Variants in CYTH3 observed in about 807,000 individuals in gnomAD.
CYTH3 encodes cytohesin-3.
CYTH3 carries 23 observed loss-of-function variants against 55.1 expected under a neutral mutation model. The observed-to-expected ratio is 0.42, with a 90% CI of 0.30 to 0.59. The LOEUF (loss-of-function observed/expected upper bound fraction) is 0.59, where lower values mean the gene tolerates loss of function less well. Among genes scored for constraint, CYTH3 ranks in the 20% least tolerant of loss-of-function variants. The pLI, the probability that CYTH3 is intolerant of heterozygous loss-of-function variation, is 0.20. For synonymous variants in CYTH3, 249 were observed against 194.9 expected (o/e 1.28, Z -2.31); for missense variants, 413 against 524.8 (o/e 0.79, Z 2.08).
chr7:6,211,176 C>T (rs1046430827), intron 1 of CYTH3, among the ~76,000 whole-genome samples: 5 of 152,194 alleles, frequency 3.3e-5, no homozygotes, highest in Non-Finnish European at 1.5e-5. Context: ...AACCACTCTC[C>T]TGAGCACCTG....
intron 5 of CYTH3, among the ~76,000 whole-genome samples, chr7:6,177,052 T>A (rs1231486657): frequency 6.6e-6 from 1 of 152,266 alleles, no homozygotes; most frequent in Non-Finnish European, 1.5e-5. Flanking sequence ...ATGCATGGGG[T>A]AAGTCCCCCT....
chr7:6,223,033 A>C (rs1779120795), intron 1 of CYTH3, among the ~76,000 whole-genome samples: 1 of 152,240 alleles, frequency 6.6e-6, no homozygotes. Flanking sequence ...ATTTGAAGCA[A>C]ATAAAAATGA....
chr7:6,180,178 G>A (rs920884522), intron 4 of CYTH3, among the ~76,000 whole-genome samples: 5 of 152,164 alleles, frequency 3.3e-5, no homozygotes, highest in African/African-American at 1.2e-4. Context: ...AGGGCTGGGG[G>A]CCTGACCCTG....
intron 1 of CYTH3, among the ~76,000 whole-genome samples, chr7:6,254,740 G>A (rs538535630): frequency 2.6e-5 from 4 of 152,296 alleles, no homozygotes; most frequent in South Asian, 2.1e-4. Context: ...GTGAGCCATC[G>A]CACCTGCCCA....
chr7:6,251,557 A>G (rs1779973052), intron 1 of CYTH3, among the ~76,000 whole-genome samples: 1 of 152,170 alleles, frequency 6.6e-6, no homozygotes, highest in African/African-American at 2.4e-5. Flanking sequence ...AAGGACCGCA[A>G]AATTCTCCGC....
At chr7:6,248,048 G>A (rs951458432) in intron 1 of CYTH3, among the ~76,000 whole-genome samples, 15 of 151,756 alleles carry the variant, frequency 9.9e-5, no homozygotes, top group Non-Finnish European at 8.8e-5. Flanking sequence ...TGTGTTTCTT[G>A]AAGTTTATTA....
At chr7:6,252,140 G>A (rs957331430) in intron 1 of CYTH3, among the ~76,000 whole-genome samples, 2 of 152,200 alleles carry the variant, frequency 1.3e-5, no homozygotes, top group African/African-American at 4.8e-5. Flanking sequence ...TTGAACTACT[G>A]ATTCTGAATT....
chr7:6,203,877 C>G (rs1784120031), intron 1 of CYTH3, among the ~76,000 whole-genome samples: 1 of 152,038 alleles, frequency 6.6e-6, no homozygotes, highest in Non-Finnish European at 1.5e-5. Context: ...TGCCACCATG[C>G]CCGGCTAATT....
intron 1 of CYTH3, among the ~76,000 whole-genome samples, chr7:6,265,745 G>C (rs574587976): frequency 6.6e-6 from 1 of 152,256 alleles, no homozygotes; most frequent in East Asian, 1.9e-4. Context: ...AACTTTCAGA[G>C]AGGAGTGACA....
chr7:6,259,755 TATTATATATATATATATTATA>T (rs1780240419), intron 1 of CYTH3, among the ~76,000 whole-genome samples: 1 of 12,444 alleles, frequency 8.0e-5, no homozygotes, highest in Non-Finnish European at 1.5e-4. Flanking sequence ...TATATATATA[TATTATATATATATATATTATA>T]TATATATAAT....
chr7:6,178,056 AC>A, intron 4 of CYTH3, 115 bp from the exon 5 acceptor site: 1 of 728,066 alleles, frequency 1.4e-6, no homozygotes, highest in South Asian at 1.7e-5. Flanking sequence ...CAAAAATAAT[AC>A]CAGAGACACC....
chr7:6,268,138 A>G (rs1376897480), intron 1 of CYTH3, among the ~76,000 whole-genome samples: 2 of 151,934 alleles, frequency 1.3e-5, no homozygotes, highest in Non-Finnish European at 2.9e-5. Context: ...GGGAGCACGC[A>G]ATGCACACTT....
At position 6,176,254 on chromosome 7, in the gene CYTH3, A is replaced by ATTTTTTTT. The variant is rs776819156; in HGVS notation, c.368+1561_368+1568dup. Reference sequence around the variant, plus strand: ...TTGCTATTGTATAGAAATACAATTGATTTTTTTTTTTTTTTTTTTTTTTTT... The same window carrying ATTTTTTTT: ...TTGCTATTGTATAGAAATACAATTGATTTTTTTTTTTTTTTTTTTTTTTTTTTTTTTTT... On this transcript the variant is annotated intron_variant, in intron 5 of 12. Transcript: ENST00000350796. Among the ~76,000 whole-genome samples, 14 of 82,898 alleles carry ATTTTTTTT rather than the reference A, an allele frequency of 1.7e-4. 1 individual carries two copies. The highest frequency in any genetic ancestry group is 5.8e-4 in the African/African-American group (11 of 18,846). 54.4% of individuals were successfully genotyped at this position (82,898 alleles called of 152,430 possible).
rs1456730442 is a variant in CYTH3 at position 6,189,062 on chromosome 7, T to C, written c.118-1341A>G. Among the ~76,000 whole-genome samples, 3 of 152,198 alleles carry C rather than the reference T, an allele frequency of 2.0e-5. No individual in the cohort carries two copies. In the East Asian group the frequency reaches 5.8e-4, roughly 29 times the overall value. ...TGTGAAGCCACATTTATTTTGGCAATGACAATGACTAGAAAGCTTCTCAAA... is the reference window on the plus strand; with the variant it reads ...TGTGAAGCCACATTTATTTTGGCAACGACAATGACTAGAAAGCTTCTCAAA... On this transcript the variant is annotated intron_variant, in intron 2 of 12. Transcript: ENST00000350796.
At chr7:6,234,684 A>AAG (rs1314794647) in intron 1 of CYTH3, among the ~76,000 whole-genome samples, 3 of 152,142 alleles carry the variant, frequency 2.0e-5, no homozygotes, top group Non-Finnish European at 1.5e-5. Context: ...GCACGAGTGC[A>AAG]AACTGGGAGA....
At chr7:6,270,223 C>A (rs982947079) in intron 1 of CYTH3, among the ~76,000 whole-genome samples, 22 of 152,150 alleles carry the variant, frequency 1.4e-4, no homozygotes, top group African/African-American at 5.3e-4. Flanking sequence ...ACTCATATTT[C>A]AAAACTTTGC....
rs1783644067 is a variant in CYTH3, at chr7:6,186,211, TC to T, written c.249+838del. Among the ~76,000 whole-genome samples, 6 of 133,304 alleles carry T rather than the reference TC, an allele frequency of 4.5e-5. No individual in the cohort carries two copies. The South Asian group carries it at 1.4e-3, about 31-fold the overall frequency. The allele number at this position is 133,304 out of a possible 152,430, so 87.5% of individuals were successfully genotyped here. The stretch of plus-strand genomic sequence containing the variant: ...GTGAGCCAAGATCGTGCCACTGCAC[TC>T]CAGCCTGGGTGACAGAGCAAGACTC... On this transcript the variant is annotated intron_variant, in intron 4 of 12. Transcript: ENST00000350796.
At chr7:6,201,531 C>G (rs1562384559) in intron 1 of CYTH3, among the ~76,000 whole-genome samples, 1 of 152,110 alleles carries the variant, frequency 6.6e-6, no homozygotes, top group South Asian at 2.1e-4. Context: ...TTATCACTAA[C>G]AGAAATTCTT....
rs146171215 is a variant in CYTH3 at position 6,247,155 on chromosome 7, T to C, written c.34+25319A>G. Among the ~76,000 whole-genome samples, 626 of 152,376 alleles carry C rather than the reference T, an allele frequency of 4.1e-3. 2 individuals carry two copies. Among genetic ancestry groups the C allele is most frequent in the African/African-American group, 0.014 (586 of 41,600 alleles). Reference sequence around the variant, plus strand: ...CTTCTGTATCTTCAGAGAACATCTTTCTGCTGCCTTCACAAATTAACAACA... The same window carrying C: ...CTTCTGTATCTTCAGAGAACATCTTCCTGCTGCCTTCACAAATTAACAACA... On this transcript the variant is annotated intron_variant, in intron 1 of 12. Transcript: ENST00000350796.
Sources: gnomAD v4.1 joint callset for allele counts (sites outside exome capture counted in the v4.1 genomes callset) on GRCh38, gnomAD v4.1.1 for gene constraint, MANE v1.5 for transcripts, NCBI Gene and HGNC (gene_info 2026-07-23, HGNC 2026-07-21) for gene names.